Variants in LCA5 observed in about 807,000 individuals in gnomAD.
LCA5 encodes lebercilin LCA5, also known as lebercilin.
LCA5 carries 37 observed loss-of-function variants against 53.0 expected under a neutral mutation model. That is an observed-to-expected ratio of 0.70 (90% CI 0.54 to 0.92). LCA5 has a LOEUF of 0.92. Among genes scored for constraint, LCA5 ranks in the 40% least tolerant of loss-of-function variants. The pLI is 0.00. For missense variants in LCA5, 806 were observed against 790.5 expected, an observed-to-expected ratio of 1.02 and a Z score of -0.23; for synonymous variants, 303 against 282.9, an observed-to-expected ratio of 1.07 and a Z score of -0.71.
At chr6:79,493,467 CT>C (rs1328273668) in intron 4 of LCA5, 145 bp downstream of exon 4, 2 of 778,826 alleles carry the variant, frequency 2.6e-6, no homozygotes, top group South Asian at 1.9e-5. Context: ...ACCAACAAAC[CT>C]TTTCTAAGTG....
rs186454340 is a variant in LCA5 at position 79,487,015 on chromosome 6, C to T, written c.2083G>A (p.Ala695Thr). ...DSVEDEIEEVALR is the reference protein window; with the variant it reads ...DSVEDEIEEVTLR ...TATACTCTAGTCAGTCATCTCAGTG[C>T]TACTTCTTCAATTTCATCTTCTACA... is the stretch of plus-strand genomic sequence containing the variant. The change falls in exon 8 of 8, where the codon GCA becomes ACA. Residue 695 changes from alanine (A) to threonine (T), a missense_variant. By Grantham distance (58) the Ala-to-Thr change is moderately conservative. Coordinates refer to ENST00000369846, the MANE Select transcript of LCA5 (RefSeq NM_001122769.3). 21 of 1,612,908 alleles carry T rather than the reference C, an allele frequency of 1.3e-5. No homozygotes were observed. In the Admixed American group the frequency reaches 3.2e-4, roughly 24 times the overall value.
intron 3 of LCA5, among the ~76,000 whole-genome samples, chr6:79,498,802 A>G (rs1451893149): frequency 6.6e-6 from 1 of 152,122 alleles, no homozygotes; most frequent in Non-Finnish European, 1.5e-5. Context: ...CAAATGAGGA[A>G]TAAATCCAGT....
intron 3 of LCA5, 126 bp downstream of exon 3, chr6:79,513,086 A>T: frequency 1.1e-6 from 1 of 913,190 alleles, no homozygotes; most frequent in Non-Finnish European, 1.7e-6. Flanking sequence ...TTCCCAAAAC[A>T]GTACTAAAAA....
chr6:79,494,787 T>C (rs1158324001), intron 3 of LCA5, among the ~76,000 whole-genome samples: 1 of 152,210 alleles, frequency 6.6e-6, no homozygotes, highest in Non-Finnish European at 1.5e-5. Flanking sequence ...GGTGCTCCAA[T>C]TTTTCCTAGA....
intron 1 of LCA5, among the ~76,000 whole-genome samples, chr6:79,535,955 G>T (rs772778196): frequency 1.3e-5 from 2 of 152,134 alleles, no homozygotes; most frequent in Non-Finnish European, 2.9e-5. Context: ...TATTTAATGG[G>T]CTTCCATTGT....
chr6:79,510,683 AC>A (rs1273725979), intron 3 of LCA5, among the ~76,000 whole-genome samples: 1 of 152,168 alleles, frequency 6.6e-6, no homozygotes, highest in Non-Finnish European at 1.5e-5. Flanking sequence ...TTTGTAAACC[AC>A]ATACCTGACA....
At chr6:79,508,790 G>A (rs1770335377) in intron 3 of LCA5, among the ~76,000 whole-genome samples, 1 of 152,208 alleles carries the variant, frequency 6.6e-6, no homozygotes, top group African/African-American at 2.4e-5. Context: ...TCACAATCAA[G>A]CTTCTGTTTT....
intron 3 of LCA5, among the ~76,000 whole-genome samples, chr6:79,508,287 C>G (rs1432705357): frequency 6.6e-6 from 1 of 152,152 alleles, no homozygotes; most frequent in Non-Finnish European, 1.5e-5. Flanking sequence ...ATACCTTTGG[C>G]TGTTTGCCTC....
intron 1 of LCA5, among the ~76,000 whole-genome samples, chr6:79,522,713 G>A (rs1171022498): frequency 6.6e-6 from 1 of 152,104 alleles, no homozygotes; most frequent in Non-Finnish European, 1.5e-5. Context: ...TAGAGACAGA[G>A]TTTTGCTCTG....
At chr6:79,532,412 A>G (rs1766984767) in intron 1 of LCA5, among the ~76,000 whole-genome samples, 1 of 152,150 alleles carries the variant, frequency 6.6e-6, no homozygotes, top group Non-Finnish European at 1.5e-5. Context: ...CCTGCTTAAT[A>G]TACTTCAATG....
rs774231557 is a variant in LCA5 at position 79,493,657 on chromosome 6, T to C, written c.814A>G (p.Lys272Glu). 6.2e-7 allele frequency: 1 copy of C among 1,613,778 alleles called. No homozygotes were observed. Among genetic ancestry groups the C allele is most frequent in the South Asian group, 1.1e-5 (1 of 91,078 alleles). Residue 272 changes from lysine (K) to glutamate (E), a missense_variant, in exon 4 of 8, where the codon AAA (lysine) becomes GAA (glutamate). Lys to Glu is a moderately conservative substitution (Grantham distance 56). Coordinates refer to ENST00000369846, the MANE Select transcript of LCA5 (RefSeq NM_001122769.3). Reference sequence around the variant, plus strand: ...CGCTGTACCTCCTTTTGAAGAACTTTATTTTCATCATGAGCCTCATATGCC... The same window carrying C: ...CGCTGTACCTCCTTTTGAAGAACTTCATTTTCATCATGAGCCTCATATGCC... ...KRAYEAHDEN[K>E]VLQKEVQRLY...
At position 79,534,311 on chromosome 6, in the gene LCA5, CTTATT is replaced by C. The variant is rs200665931; in HGVS notation, c.-192+2849_-192+2853del. ...CATTTGAAATGTAAGACATAATCAG[CTTATT>C]TTAAACATTTTAAACAATGGATCAA... On this transcript the variant is annotated intron_variant, in intron 1 of 7. Transcript: ENST00000369846. 6.5e-3 allele frequency among the ~76,000 whole-genome samples: 995 copies of C among 151,956 alleles called. 11 individuals are homozygous for C. Among genetic ancestry groups the C allele is most frequent in the African/African-American group, 0.022 (926 of 41,502 alleles).
chr6:79,525,876 G>A (rs1455747361), intron 1 of LCA5, among the ~76,000 whole-genome samples: 1 of 152,238 alleles, frequency 6.6e-6, no homozygotes, highest in Non-Finnish European at 1.5e-5. Context: ...GTGTGGGAAA[G>A]CTAGCGTGAG....
At chr6:79,531,028 T>A (rs2127690090) in intron 1 of LCA5, among the ~76,000 whole-genome samples, 1 of 152,250 alleles carries the variant, frequency 6.6e-6, no homozygotes, top group Non-Finnish European at 1.5e-5. Flanking sequence ...AAGTCTTTCC[T>A]TTGCAAAGAT....
At chr6:79,500,347 T>A (rs1182112078) in intron 3 of LCA5, among the ~76,000 whole-genome samples, 3 of 152,166 alleles carry the variant, frequency 2.0e-5, no homozygotes, top group Admixed American at 6.5e-5. Flanking sequence ...AAATAAAGGA[T>A]TAACATAATT....
intron 3 of LCA5, among the ~76,000 whole-genome samples, chr6:79,511,031 A>G (rs2127678420): frequency 6.6e-6 from 1 of 152,272 alleles, no homozygotes; most frequent in Non-Finnish European, 1.5e-5. Context: ...TTACAAATGG[A>G]AAAAACAACA....
intron 3 of LCA5, among the ~76,000 whole-genome samples, chr6:79,508,513 G>A (rs1178469806): frequency 4.9e-5 from 6 of 123,610 alleles, no homozygotes; most frequent in African/African-American, 6.4e-5. Flanking sequence ...CAACTAGCAA[G>A]AAGAATGAGT....
At chr6:79,498,312 C>T (rs1283668486) in intron 3 of LCA5, among the ~76,000 whole-genome samples, 1 of 152,008 alleles carries the variant, frequency 6.6e-6, no homozygotes, top group Non-Finnish European at 1.5e-5. Flanking sequence ...GTTCTTTGTA[C>T]TGTTTTCAGA....
intron 1 of LCA5, among the ~76,000 whole-genome samples, chr6:79,534,923 G>A (rs992089894): frequency 6.6e-6 from 1 of 152,128 alleles, no homozygotes; most frequent in African/African-American, 2.4e-5. Flanking sequence ...CTCAAATGTA[G>A]CTATTCAGAA....
Sources: gnomAD v4.1 joint callset for allele counts (sites outside exome capture counted in the v4.1 genomes callset) on GRCh38, gnomAD v4.1.1 for gene constraint, MANE v1.5 for transcripts, NCBI Gene and HGNC (gene_info 2026-07-23, HGNC 2026-07-21) for gene names.